Variants in MOB1B observed in about 807,000 individuals in gnomAD.
MOB1B encodes the protein MOB1 Mps One Binder homolog B.
MOB1B carries 19 observed loss-of-function variants against 24.4 expected under a neutral mutation model. The observed-to-expected ratio is 0.78, with a 90% CI of 0.54 to 1.14. The LOEUF is 1.14. Among genes scored for constraint, MOB1B ranks in the 50% most tolerant of loss-of-function variants. The pLI is 0.00. For synonymous variants in MOB1B, 76 were observed against 82.1 expected, an observed-to-expected ratio of 0.93 and a Z score of 0.40; for missense variants, 243 against 259.6, an observed-to-expected ratio of 0.94 and a Z score of 0.44.
intron 1 of MOB1B, among the ~76,000 whole-genome samples, chr4:70,924,677 C>T (rs184337819): frequency 1.2e-4 from 18 of 152,292 alleles, no homozygotes; most frequent in African/African-American, 3.8e-4. Flanking sequence ...ATTCCCCGCC[C>T]TGTGTCCAGT....
At chr4:70,930,086 T>G (rs931771036) in intron 1 of MOB1B, among the ~76,000 whole-genome samples, 5 of 152,176 alleles carry the variant, frequency 3.3e-5, no homozygotes, top group African/African-American at 9.7e-5. Flanking sequence ...AAATTTAGAT[T>G]TAAAATGAAG....
rs142728173 is a variant in MOB1B at position 70,942,255 on chromosome 4, A to G, written c.15-16619A>G. On this transcript the variant is annotated intron_variant, in intron 1 of 5. Coordinates refer to ENST00000309395, the MANE Select transcript of MOB1B (RefSeq NM_173468.4). ...TGTGTACATATTACCAATATCTTCT[A>G]GTGGTAATATTAAAGTGGTCTATTA... Among the ~76,000 whole-genome samples the G allele has an allele frequency of 3.3e-3, 498 of 152,218 alleles. 2 individuals are homozygous for G. The highest frequency in any genetic ancestry group is 0.012 in the African/African-American group (485 of 41,562).
At chr4:70,921,356 G>T (rs1173425838) in intron 1 of MOB1B, among the ~76,000 whole-genome samples, 1 of 152,126 alleles carries the variant, frequency 6.6e-6, no homozygotes, top group Non-Finnish European at 1.5e-5. Flanking sequence ...ATAATGTGAA[G>T]CAATGCAGGC....
intron 1 of MOB1B, among the ~76,000 whole-genome samples, chr4:70,931,261 GTCT>G (rs761848750): frequency 3.3e-5 from 5 of 152,292 alleles, no homozygotes; most frequent in Non-Finnish European, 7.3e-5. Context: ...AATAATTCAA[GTCT>G]TCTTATGATT....
At chr4:70,948,610 GTTC>G (rs948606572) in intron 1 of MOB1B, among the ~76,000 whole-genome samples, 40 of 152,000 alleles carry the variant, frequency 2.6e-4, no homozygotes, top group Non-Finnish European at 3.1e-4. Context: ...TATTTAGTAT[GTTC>G]TTCTTGGTTT....
intron 2 of MOB1B, among the ~76,000 whole-genome samples, chr4:70,964,887 A>C (rs1206818963): frequency 6.6e-6 from 1 of 151,534 alleles, no homozygotes; most frequent in Non-Finnish European, 1.5e-5. Context: ...CTGAGATTGC[A>C]CCATTGCACT....
chr4:70,950,568 TAAAG>T (rs971517931), intron 1 of MOB1B: 13 of 410,690 alleles, frequency 3.2e-5, no homozygotes, highest in African/African-American at 2.6e-4. Flanking sequence ...ATCCATAAAA[TAAAG>T]AAAAATAATA....
At chr4:70,951,059 A>G (rs1220492015) in intron 1 of MOB1B, among the ~76,000 whole-genome samples, 2 of 152,226 alleles carry the variant, frequency 1.3e-5, no homozygotes, top group Non-Finnish European at 2.9e-5. Flanking sequence ...CATTTATTTT[A>G]CAATCATTTG....
intron 4 of MOB1B, chr4:70,976,774 ATCTCTC>A (rs71604569): frequency 0.019 from 3,648 of 187,994 alleles, 125 homozygotes; most frequent in East Asian, 0.13. Context: ...ATATATATAT[ATCTCTC>A]TCTCTCAATC....
At chr4:70,965,108 C>T (rs977666774) in intron 2 of MOB1B, among the ~76,000 whole-genome samples, 1 of 151,748 alleles carries the variant, frequency 6.6e-6, no homozygotes, top group Non-Finnish European at 1.5e-5. Flanking sequence ...ACCAGCCTGG[C>T]CAACATGGTG....
chr4:70,926,197 G>T (rs879583353), intron 1 of MOB1B, among the ~76,000 whole-genome samples: 1 of 151,792 alleles, frequency 6.6e-6, no homozygotes, highest in African/African-American at 2.4e-5. Flanking sequence ...TGTTGTCCAG[G>T]TGGTCTTGAA....
Position 70,961,019 on chromosome 4 carries a change from T to C in MOB1B, c.181+1979T>C, listed in dbSNP as rs143351766. 1.1e-4 allele frequency among the ~76,000 whole-genome samples: 16 copies of C among 152,314 alleles called. No individual in the cohort carries two copies. The East Asian group carries it at 2.9e-3, about 28-fold the overall frequency. On this transcript the variant is annotated intron_variant, in intron 2 of 5. Transcript: ENST00000309395. ...ATACATTCCAAGATGACCAGTGGAT[T>C]CCTGAAACCGGTGATAGTACTGAAC... is the stretch of plus-strand genomic sequence containing the variant.
intron 1 of MOB1B, chr4:70,942,698 TG>T: frequency 6.0e-6 from 1 of 166,048 alleles, no homozygotes; most frequent in Non-Finnish European, 1.2e-5. Flanking sequence ...GAGAAACTGA[TG>T]TTTTTATGAT....
chr4:70,958,634 G>GT (rs369059544), intron 1 of MOB1B: 6 of 568,156 alleles, frequency 1.1e-5, no homozygotes, highest in South Asian at 3.1e-5. Flanking sequence ...GTACTTTTTT[G>GT]TTTTTTCATT....
intron 3 of MOB1B, among the ~76,000 whole-genome samples, chr4:70,974,393 C>CGTGCCCTA (rs1220246470): frequency 6.6e-6 from 1 of 152,120 alleles, no homozygotes; most frequent in African/African-American, 2.4e-5. Context: ...TGTGAGCCAC[C>CGTGCCCTA]GTGCCCGGCC....
intron 2 of MOB1B, among the ~76,000 whole-genome samples, chr4:70,963,322 T>G (rs143498350): frequency 1.9e-4 from 29 of 149,776 alleles, no homozygotes; most frequent in African/African-American, 6.9e-4. Context: ...ATCCTACCAC[T>G]GCAATCCAGC....
At position 70,959,030 on chromosome 4, in the gene MOB1B, T is replaced by A; in HGVS notation, c.171T>A (p.Val57=). The A allele has an allele frequency of 6.2e-7, 1 of 1,613,642 alleles. No homozygotes were observed. Among genetic ancestry groups the A allele is most frequent in the Non-Finnish European group, 8.5e-7 (1 of 1,179,886 alleles). ...AAGGGGAAGATCTCAATGAATGGGTTGCAGTTAACAGTAAGTAGCCTTTTT... is the reference window on the plus strand; with the variant it reads ...AAGGGGAAGATCTCAATGAATGGGTAGCAGTTAACAGTAAGTAGCCTTTTT... ...LPEGEDLNEW[V]AVNTVDFFNQ... is the part of the protein sequence containing the mutation. Residue 57 remains valine (V), a synonymous_variant, in exon 2 of 6, where the codon GTT becomes GTA. Transcript: ENST00000309395.
chr4:70,938,085 G>A (rs1011925076), intron 1 of MOB1B, among the ~76,000 whole-genome samples: 2 of 151,418 alleles, frequency 1.3e-5, no homozygotes, highest in South Asian at 4.2e-4. Flanking sequence ...TTTTGGTGTC[G>A]TCTCTCATGT....
chr4:70,907,353 A>G (rs1018554687), intron 1 of MOB1B, among the ~76,000 whole-genome samples: 4 of 152,192 alleles, frequency 2.6e-5, no homozygotes, highest in African/African-American at 9.6e-5. Context: ...AATCATTCAA[A>G]AAGTATATTT....
Sources: gnomAD v4.1 joint callset for allele counts (sites outside exome capture counted in the v4.1 genomes callset) on GRCh38, gnomAD v4.1.1 for gene constraint, MANE v1.5 for transcripts, NCBI Gene and HGNC (gene_info 2026-07-23, HGNC 2026-07-21) for gene names.